CAMTA1: variants seen among roughly 807,000 people sequenced by gnomAD.
CAMTA1 encodes calmodulin binding transcription activator 1.
In CAMTA1, 27 loss-of-function variants were observed where a neutral mutation model predicts 170.9. The ratio of observed to expected loss-of-function variants is 0.16; its 90% CI spans 0.12 to 0.22. The LOEUF (loss-of-function observed/expected upper bound fraction) is 0.22, where lower values mean the gene tolerates loss of function less well. Among genes scored for constraint, CAMTA1 ranks in the 10% least tolerant of loss-of-function variants. The probability of loss-of-function intolerance (pLI) is 1.00; values close to 1 mark genes in which losing one functional copy is unlikely to be tolerated. For missense variants in CAMTA1, 1,619 were observed against 2,217.2 expected (o/e 0.73, Z 5.42); for synonymous variants, 833 against 891.5 (o/e 0.93, Z 1.17).
chr1:6,821,618 A>G lies in CAMTA1; in HGVS notation c.115+1368A>G, dbSNP rs567455419. ...TTAATCGTAATCAACTTGAATGAAT[A>G]ACAGTGTTCATCATTATTCATAGAA... On this transcript the variant is annotated intron_variant, in intron 2 of 22. Transcript: ENST00000303635. Among the ~76,000 whole-genome samples the G allele has an allele frequency of 2.0e-5, 3 of 152,288 alleles. No homozygotes were observed. In the East Asian group the frequency reaches 5.8e-4, roughly 29 times the overall value.
At position 7,197,986 on chromosome 1, in the gene CAMTA1, C is replaced by T. The variant is rs142565816; in HGVS notation, c.303-51505C>T. On this transcript the variant is annotated intron_variant, in intron 4 of 22. Coordinates refer to ENST00000303635, the MANE Select transcript of CAMTA1 (RefSeq NM_015215.4). Reference sequence around the variant, plus strand: ...AGAGCTGGATGCAGTTTCCAAAGACCGGGAGATGCTCTCTCAGCTGCCCAC... The same window carrying T: ...AGAGCTGGATGCAGTTTCCAAAGACTGGGAGATGCTCTCTCAGCTGCCCAC... 7.2e-5 allele frequency among the ~76,000 whole-genome samples: 11 copies of T among 152,058 alleles called. No individual in the cohort carries two copies. The South Asian group carries it at 1.7e-3, about 23-fold the overall frequency.
chr1:7,185,903 G>A (rs927495722), intron 4 of CAMTA1, among the ~76,000 whole-genome samples: 12 of 152,328 alleles, frequency 7.9e-5, no homozygotes, highest in African/African-American at 2.9e-4. Flanking sequence ...GGATGTTCGC[G>A]TAATGCTGGA....
intron 5 of CAMTA1, among the ~76,000 whole-genome samples, chr1:7,275,443 A>C (rs2149425413): frequency 6.6e-6 from 1 of 152,164 alleles, no homozygotes; most frequent in Non-Finnish European, 1.5e-5. Context: ...TAGTAAGTAG[A>C]CAAACAATAG....
At position 7,674,381 on chromosome 1, in the gene CAMTA1, C is replaced by G. The variant is rs114992440; in HGVS notation, c.2780-3218C>G. On this transcript the variant is annotated intron_variant, in intron 10 of 22. Transcript: ENST00000303635. This position sits in a 1 kb window ranked among gnomAD's most constrained non-coding sequence, Gnocchi z 4.1. ...GAGAGGAGGTGCTGGGGAAAAGAGG[C>G]GACTCAGGCTTGGGAGAAGATAGGG... Among the ~76,000 whole-genome samples the G allele has an allele frequency of 7.2e-5, 11 of 152,038 alleles. No homozygotes were observed. Among genetic ancestry groups the G allele is most frequent in the Non-Finnish European group, 1.0e-4 (7 of 67,992 alleles).
chr1:7,614,257 C>G (rs540134619), intron 6 of CAMTA1, among the ~76,000 whole-genome samples: 2 of 152,158 alleles, frequency 1.3e-5, no homozygotes, highest in South Asian at 2.1e-4. Flanking sequence ...GGGCTCCTCC[C>G]AGAGCCTGAG....
At position 7,663,773 on chromosome 1, in the gene CAMTA1, T is replaced by C; in HGVS notation, c.1226T>C (p.Val409Ala). 6.2e-7 allele frequency: 1 copy of C among 1,614,036 alleles called. No homozygotes were observed. The highest frequency in any genetic ancestry group is 2.2e-5 in the East Asian group (1 of 44,860). ...VFMSEVTNEA[V>A]YTMSPTAGPN... ...ATGTCAGAGGTCACCAATGAGGCCGTGTACACCATGTCCCCCACCGCTGGC... is the reference window on the plus strand; with the variant it reads ...ATGTCAGAGGTCACCAATGAGGCCGCGTACACCATGTCCCCCACCGCTGGC... Residue 409 changes from valine to alanine, a missense_variant, in exon 9 of 23, where the codon GTG (valine) becomes GCG (alanine). Physicochemically the swap from Val to Ala is moderately conservative, Grantham distance 64. This residue lies in a region of CAMTA1 where 731 missense variants were observed against 907.6 expected (regional missense o/e 0.81). Transcript: ENST00000303635.
intron 3 of CAMTA1, among the ~76,000 whole-genome samples, chr1:6,913,581 C>T (rs932361208): frequency 2.0e-5 from 3 of 152,190 alleles, no homozygotes; most frequent in African/African-American, 7.2e-5. Flanking sequence ...AAGTTTCTTC[C>T]TGCCCTGGGT....
At chr1:7,413,409 G>C (rs1346076169) in intron 5 of CAMTA1, among the ~76,000 whole-genome samples, 1 of 152,058 alleles carries the variant, frequency 6.6e-6, no homozygotes, top group Non-Finnish European at 1.5e-5. Flanking sequence ...TCTTCCATTT[G>C]TTTGTATCCT....
intron 6 of CAMTA1, among the ~76,000 whole-genome samples, chr1:7,632,184 C>T (rs934254513): frequency 3.9e-5 from 6 of 152,164 alleles, no homozygotes; most frequent in Admixed American, 6.5e-5. Context: ...ATGGGACATT[C>T]GGAATATGTA....
intron 5 of CAMTA1, among the ~76,000 whole-genome samples, chr1:7,436,203 A>G (rs921556050): frequency 2.6e-5 from 4 of 152,178 alleles, no homozygotes; most frequent in African/African-American, 9.7e-5. Flanking sequence ...GGAGCCGGGC[A>G]TGGGGAGAAG....
chr1:7,147,439 A>C (rs77721532), intron 4 of CAMTA1, among the ~76,000 whole-genome samples: 4 of 145,646 alleles, frequency 2.7e-5, no homozygotes, highest in African/African-American at 7.7e-5. Context: ...AAAAAAAAAA[A>C]CACCCCAAAT....
chr1:7,683,492 T>C (rs1576841865), intron 11 of CAMTA1, among the ~76,000 whole-genome samples: 1 of 151,770 alleles, frequency 6.6e-6, no homozygotes. Context: ...TTAGGGGAGC[T>C]GGAGAAGCAC....
At chr1:7,397,844 CATG>C (rs2089455224) in intron 5 of CAMTA1, among the ~76,000 whole-genome samples, 3 of 151,878 alleles carry the variant, frequency 2.0e-5, no homozygotes, top group Non-Finnish European at 4.4e-5. Context: ...AGAAAAGATA[CATG>C]ATATTATTTT....
rs528082854 is a variant in CAMTA1 at position 7,212,890 on chromosome 1, G to A, written c.303-36601G>A. 2.5e-3 allele frequency among the ~76,000 whole-genome samples: 375 copies of A among 152,264 alleles called. 2 individuals are homozygous for A. The highest frequency in any genetic ancestry group is 4.2e-3 in the Non-Finnish European group (288 of 68,030). On this transcript the variant is annotated intron_variant, in intron 4 of 22. Coordinates refer to ENST00000303635, the MANE Select transcript of CAMTA1 (RefSeq NM_015215.4). ...ATTACCTTTTGGAATTGGCTACTTT[G>A]ACTCAGCATAATTGTCTCGCGATTC...
chr1:6,916,367 G>T (rs181881806), intron 3 of CAMTA1, among the ~76,000 whole-genome samples: 2 of 152,250 alleles, frequency 1.3e-5, no homozygotes, highest in East Asian at 3.9e-4. Context: ...TCCAGGAGCC[G>T]CCGGCCGAGT....
chr1:7,348,134 C>T (rs1326899847), intron 5 of CAMTA1, among the ~76,000 whole-genome samples: 1 of 152,190 alleles, frequency 6.6e-6, no homozygotes, highest in Non-Finnish European at 1.5e-5. Context: ...CTCTGCATGC[C>T]TACCTCTCTG....
chr1:7,103,838 ACACATG>A (rs1643168135), intron 4 of CAMTA1, among the ~76,000 whole-genome samples: 2 of 65,674 alleles, frequency 3.0e-5, no homozygotes, highest in African/African-American at 7.0e-5. Flanking sequence ...ACACAACTAC[ACACATG>A]TACACACAAC....
chr1:7,709,227 C>A (rs985532967), intron 11 of CAMTA1, among the ~76,000 whole-genome samples: 2 of 152,214 alleles, frequency 1.3e-5, no homozygotes, highest in African/African-American at 2.4e-5. Flanking sequence ...GGGGCCCCAC[C>A]TAAGCTGTAT....
intron 4 of CAMTA1, among the ~76,000 whole-genome samples, chr1:7,148,175 G>T (rs1237896285): frequency 6.9e-6 from 1 of 145,904 alleles, no homozygotes; most frequent in African/African-American, 2.6e-5. Context: ...ATGCACACAT[G>T]CACACACATG....
Sources: allele counts gnomAD v4.1 joint callset (sites outside exome capture counted in the v4.1 genomes callset), GRCh38; gene constraint gnomAD v4.1.1; regional missense constraint gnomAD v4.1.1; non-coding constraint Gnocchi (gnomAD v3.1); transcripts MANE v1.5; gene names NCBI Gene and HGNC (gene_info 2026-07-23, HGNC 2026-07-21).